The following FKBP6 variants were observed in gnomAD, a reference collection of about 807,000 sequenced individuals.
FKBP6 encodes inactive peptidyl-prolyl cis-trans isomerase FKBP6.
Under a neutral mutation model 41.7 loss-of-function variants are expected in FKBP6, and 29 were observed. That is an observed-to-expected ratio of 0.70 (90% CI 0.52 to 0.95). FKBP6 has a LOEUF of 0.95. FKBP6 is among the 40% of genes least tolerant of loss of function. The pLI is 0.00. For missense variants in FKBP6, 338 were observed against 408.7 expected, an observed-to-expected ratio of 0.83 and a Z score of 1.49; for synonymous variants, 130 against 165.1, an observed-to-expected ratio of 0.79 and a Z score of 1.63.
intron 8 of FKBP6, among the ~76,000 whole-genome samples, chr7:73,347,482 C>T (rs1273096358): frequency 6.6e-6 from 1 of 152,204 alleles, no homozygotes; most frequent in Non-Finnish European, 1.5e-5. Context: ...TCTATTACCA[C>T]TTCTTGATTT....
chr7:73,332,548 G>A (rs1310369605), intron 5 of FKBP6, among the ~76,000 whole-genome samples: 10 of 151,902 alleles, frequency 6.6e-5, no homozygotes, highest in Non-Finnish European at 1.0e-4. Flanking sequence ...GGGGACTAAC[G>A]GGGGGATAAG....
rs1554546712 is a variant in FKBP6 at position 73,328,424 on chromosome 7, A to G, written c.-5A>G. On this transcript the variant is annotated 5_prime_UTR_variant, in exon 1 of 9. Transcript: ENST00000252037. ...GGCTCACGCCACAGGGAGGGCAGCT[A>G]GGACATGGGGGGAAGCGCGTTAAAC... 6.4e-7 allele frequency: 1 copy of G among 1,564,030 alleles called. No individual in the cohort carries two copies. The highest frequency in any genetic ancestry group is 1.2e-5 in the South Asian group (1 of 85,140).
At chr7:73,334,413 T>G (rs1351357585) in intron 5 of FKBP6, among the ~76,000 whole-genome samples, 37 of 129,334 alleles carry the variant, frequency 2.9e-4, no homozygotes, top group Non-Finnish European at 3.9e-4. Context: ...CCACCTAGTT[T>G]CCATCTTTTC....
At chr7:73,343,911 G>T (rs150064043) in intron 8 of FKBP6, among the ~76,000 whole-genome samples, 12 of 152,314 alleles carry the variant, frequency 7.9e-5, no homozygotes, top group Non-Finnish European at 1.6e-4. Flanking sequence ...GGCTTGAGAG[G>T]AGGAGGCAGT....
At chr7:73,352,552 T>C (rs570301233) in intron 8 of FKBP6, among the ~76,000 whole-genome samples, 1 of 152,316 alleles carries the variant, frequency 6.6e-6, no homozygotes, top group African/African-American at 2.4e-5. Flanking sequence ...CTGCAGGTGC[T>C]GATCCTGTTC....
chr7:73,334,231 G>T (rs1047048996), intron 5 of FKBP6, among the ~76,000 whole-genome samples: 5 of 152,150 alleles, frequency 3.3e-5, no homozygotes, highest in Non-Finnish European at 7.3e-5. Flanking sequence ...TTACGGTGAT[G>T]TGCCTCTGCG....
intron 5 of FKBP6, among the ~76,000 whole-genome samples, chr7:73,334,747 C>T (rs1804951529): frequency 6.6e-6 from 1 of 151,996 alleles, no homozygotes; most frequent in Non-Finnish European, 1.5e-5. Flanking sequence ...CATTCTTTTT[C>T]TGTTTGGTTT....
chr7:73,342,858 C>T lies in FKBP6; in HGVS notation c.945C>T (p.Phe315=), dbSNP rs781916445. The T allele has an allele frequency of 5.6e-6, 9 of 1,613,922 alleles. No homozygotes were observed. The highest frequency in any genetic ancestry group is 2.7e-5 in the African/African-American group (2 of 74,952). ...DKEKEMWHRM[F]APCGDGSTAG... ...AGAAAGAAATGTGGCACCGCATGTT[C>T]GCGCCCTGTGGCGATGGTTCTACAG... The change falls in exon 8 of 9, where the codon TTC becomes TTT. Residue 315 remains phenylalanine (F), a synonymous_variant. Transcript: ENST00000252037.
At position 73,351,315 on chromosome 7, in the gene FKBP6, C is replaced by T. The variant is rs1274320210; in HGVS notation, c.*3-6866C>T. 2.0e-5 allele frequency among the ~76,000 whole-genome samples: 3 copies of T among 152,210 alleles called. No individual in the cohort carries two copies. The East Asian group carries it at 5.8e-4, about 29-fold the overall frequency. ...AACGTGCTGGGATTACAGGCGTGAG[C>T]CACCGCACCTGGCAATTTTTGTAAT... On this transcript the variant is annotated intron_variant, in intron 8 of 8. Coordinates refer to ENST00000252037, the MANE Select transcript of FKBP6 (RefSeq NM_003602.5).
Position 73,341,349 on chromosome 7 carries a change from A to G in FKBP6, c.860A>G (p.His287Arg). Residue 287 changes from histidine to arginine, a missense_variant, in exon 7 of 9, where the codon CAT becomes CGT. His to Arg is a conservative substitution (Grantham distance 29). Around this residue, in one of 2 missense-constraint regions of FKBP6, gnomAD observed 239 missense variants for 250.1 expected, o/e 0.96. Coordinates refer to ENST00000252037, the MANE Select transcript of FKBP6 (RefSeq NM_003602.5). The part of the protein sequence containing the change: ...VRAQKEQPFN[H>R]DINNELKKLA... ...GCCCAGAAGGAGCAACCCTTCAATCATGACATCAATAATGAGCTGAAGAAA... is the reference window on the plus strand; with the variant it reads ...GCCCAGAAGGAGCAACCCTTCAATCGTGACATCAATAATGAGCTGAAGAAA... 1.9e-6 allele frequency: 3 copies of G among 1,612,698 alleles called. No homozygotes were observed. Among genetic ancestry groups the G allele is most frequent in the Non-Finnish European group, 2.5e-6 (3 of 1,178,690 alleles).
chr7:73,328,395 C>T lies in FKBP6; in HGVS notation c.-34C>T, dbSNP rs562822575. The T allele has an allele frequency of 3.8e-5, 59 of 1,568,564 alleles. 1 individual carries two copies. The East Asian group carries it at 1.3e-3, about 33-fold the overall frequency. On this transcript the variant is annotated 5_prime_UTR_variant, in exon 1 of 9. The change creates a premature stop within an existing upstream ORF in the 5' untranslated region. Coordinates refer to ENST00000252037, the MANE Select transcript of FKBP6 (RefSeq NM_003602.5). ...GGGAGGGCAGCGGGGCGCACCAGGC[C>T]GAAGGCTCACGCCACAGGGAGGGCA...
At chr7:73,336,061 A>T (rs1804997466) in intron 5 of FKBP6, among the ~76,000 whole-genome samples, 1 of 152,094 alleles carries the variant, frequency 6.6e-6, no homozygotes, top group African/African-American at 2.4e-5. Flanking sequence ...CTAGTTAGGG[A>T]GTTAAATGCA....
At chr7:73,350,069 T>C (rs1457399854) in intron 8 of FKBP6, among the ~76,000 whole-genome samples, 2 of 152,110 alleles carry the variant, frequency 1.3e-5, no homozygotes, top group Non-Finnish European at 2.9e-5. Flanking sequence ...AGAGACCAAA[T>C]ATATATTTCT....
At chr7:73,350,917 C>T (rs1306277871) in intron 8 of FKBP6, among the ~76,000 whole-genome samples, 1 of 152,132 alleles carries the variant, frequency 6.6e-6, no homozygotes, top group Admixed American at 6.5e-5. Context: ...TCATCTCTCT[C>T]GGTATGTGAC....
chr7:73,341,084 C>T (rs1334049596), intron 6 of FKBP6, among the ~76,000 whole-genome samples, 189 bp from the exon 7 acceptor site: 1 of 152,028 alleles, frequency 6.6e-6, no homozygotes, highest in African/African-American at 2.4e-5. Flanking sequence ...CCATCACACC[C>T]AGCTAATTTT....
rs186330371 is a variant in FKBP6, at chr7:73,329,312, C to T, written c.176-48C>T. 80 of 999,670 alleles carry T rather than the reference C, an allele frequency of 8.0e-5. No homozygotes were observed. In the East Asian group the frequency reaches 1.1e-3, roughly 13 times the overall value. 61.9% of individuals were successfully genotyped at this position (999,670 alleles called of 1,614,324 possible). ...CATGAGAGACTCGATATTATGGTGG[C>T]GTGGGTGTTTTTGGTCCATTTTCCT... On this transcript the variant is annotated intron_variant, in intron 2 of 8. Transcript: ENST00000252037.
chr7:73,353,971 G>A (rs187383223), intron 8 of FKBP6, among the ~76,000 whole-genome samples: 5 of 152,134 alleles, frequency 3.3e-5, no homozygotes, highest in Non-Finnish European at 5.9e-5. Flanking sequence ...CTGGCCTAAA[G>A]TGATCCTCCT....
At position 73,342,828 on chromosome 7, in the gene FKBP6, T is replaced by C; in HGVS notation, c.915T>C (p.Asp305=). ...KLASCYRDYV[D]KEKEMWHRMF... Reference sequence around the variant, plus strand: ...CCAGCTGTTACAGGGACTATGTGGATAAAGAGAAAGAAATGTGGCACCGCA... The same window carrying C: ...CCAGCTGTTACAGGGACTATGTGGACAAAGAGAAAGAAATGTGGCACCGCA... Residue 305 remains aspartate (D), a synonymous_variant, in exon 8 of 9, where the codon GAT becomes GAC. Coordinates refer to ENST00000252037, the MANE Select transcript of FKBP6 (RefSeq NM_003602.5). 1 of 1,613,602 alleles carries C rather than the reference T, an allele frequency of 6.2e-7. No homozygotes were observed. The highest frequency in any genetic ancestry group is 8.5e-7 in the Non-Finnish European group (1 of 1,179,476).
At chr7:73,338,886 C>G (rs569844193) in intron 5 of FKBP6, among the ~76,000 whole-genome samples, 8 of 152,340 alleles carry the variant, frequency 5.3e-5, no homozygotes, top group Non-Finnish European at 1.0e-4. Context: ...TCAACAAACA[C>G]AGGATGCGCA....
Sources: gnomAD v4.1 joint callset for allele counts (sites outside exome capture counted in the v4.1 genomes callset) on GRCh38, gnomAD v4.1.1 for gene constraint, gnomAD v4.1.1 regional missense constraint, MANE v1.5 for transcripts, NCBI Gene and HGNC (gene_info 2026-07-23, HGNC 2026-07-21) for gene names.